YBX1: variants seen among roughly 807,000 people sequenced by gnomAD.
YBX1 encodes the protein Y-box binding protein 1.
A neutral mutation model predicts 41.4 loss-of-function variants in YBX1; 3 were observed. The ratio of observed to expected loss-of-function variants is 0.07; its 90% CI spans 0.03 to 0.19. The LOEUF (loss-of-function observed/expected upper bound fraction) is 0.19. Ranked by LOEUF, YBX1 falls within the 10% of genes least tolerant of loss-of-function variation. The pLI is 1.00. For missense variants in YBX1, 274 were observed against 462.8 expected (o/e 0.59, Z 3.74); for synonymous variants, 133 against 165.8 (o/e 0.80, Z 1.52).
chr1:42,687,400 C>G (rs1349089783), intron 2 of YBX1, among the ~76,000 whole-genome samples: 1 of 152,126 alleles, frequency 6.6e-6, no homozygotes, highest in East Asian at 1.9e-4. Context: ...TCTCCTGCCT[C>G]AGCCTCCCGA....
chr1:42,686,172 T>C (rs767889551), intron 2 of YBX1, among the ~76,000 whole-genome samples: 8 of 152,260 alleles, frequency 5.3e-5, no homozygotes, highest in Non-Finnish European at 1.2e-4. Context: ...AGAATAGGAA[T>C]ATTTTTCTGT....
At chr1:42,693,553 T>C (rs773303198) in intron 3 of YBX1, 30 bp downstream of exon 3, 2 of 1,610,640 alleles carry the variant, frequency 1.2e-6, no homozygotes, top group South Asian at 2.2e-5. Flanking sequence ...TTTGCACTTC[T>C]GATTCAAGGA....
intron 2 of YBX1, among the ~76,000 whole-genome samples, chr1:42,685,422 A>AT (rs1650170532): frequency 6.6e-6 from 1 of 152,196 alleles, no homozygotes. Flanking sequence ...GGTTTTAATG[A>AT]TTCTGGGACT....
At chr1:42,697,675 T>C (rs1436375408) in intron 6 of YBX1, among the ~76,000 whole-genome samples, 5 of 151,836 alleles carry the variant, frequency 3.3e-5, no homozygotes, top group Non-Finnish European at 7.4e-5. Flanking sequence ...ATGTACCCCC[T>C]TTTTTTTGGA....
chr1:42,697,748 G>C (rs1054189458), intron 6 of YBX1, among the ~76,000 whole-genome samples: 2 of 151,892 alleles, frequency 1.3e-5, no homozygotes, highest in Non-Finnish European at 2.9e-5. Context: ...TACATTCTGC[G>C]GGGGGAAATC....
Position 42,682,525 on chromosome 1 carries a change from C to T in YBX1, c.-41C>T. 6.3e-6 allele frequency: 9 copies of T among 1,428,612 alleles called. No homozygotes were observed. The South Asian group carries it at 6.9e-5, about 11-fold the overall frequency. The allele number at this position is 1,428,612 out of a possible 1,614,324, so 88.5% of individuals were successfully genotyped here. A position where few individuals can be genotyped will look rare whatever the true frequency, so the allele number is the denominator to read the frequency against. On this transcript the variant is annotated 5_prime_UTR_variant, in exon 1 of 8. Coordinates refer to ENST00000321358, the MANE Select transcript of YBX1 (RefSeq NM_004559.5). Reference sequence around the variant, plus strand: ...GTTACCATCACACCCCGGGAGGAGCCGCAGCTGCCGCAGCCGGCCCCAGTC... The same window carrying T: ...GTTACCATCACACCCCGGGAGGAGCTGCAGCTGCCGCAGCCGGCCCCAGTC...
intron 2 of YBX1, among the ~76,000 whole-genome samples, chr1:42,692,387 C>A (rs1006272146): frequency 2.6e-5 from 4 of 152,164 alleles, no homozygotes; most frequent in Admixed American, 6.5e-5. Flanking sequence ...TCCTAATCAT[C>A]TAGCTTGAAA....
rs750706480 is a variant in YBX1 at position 42,683,475 on chromosome 1, C to T, written c.230+9C>T. On this transcript the variant is annotated intron_variant, in intron 2 of 7. Coordinates refer to ENST00000321358, the MANE Select transcript of YBX1 (RefSeq NM_004559.5). Reference sequence around the variant, plus strand: ...TATGGTTTCATCAACAGGTGAGCTGCCGGGCTCTGAAGCCTCCATCCCACC... The same window carrying T: ...TATGGTTTCATCAACAGGTGAGCTGTCGGGCTCTGAAGCCTCCATCCCACC... 1.9e-6 allele frequency: 3 copies of T among 1,612,804 alleles called. No individual in the cohort carries two copies. The highest frequency in any genetic ancestry group is 2.7e-5 in the African/African-American group (2 of 74,892).
In YBX1 at chr1:42,700,876, G is replaced by A; in HGVS notation, c.836G>A (p.Arg279His). 7 of 1,613,878 alleles carry A rather than the reference G, an allele frequency of 4.3e-6. No individual in the cohort carries two copies. The highest frequency in any genetic ancestry group is 5.9e-6 in the Non-Finnish European group (7 of 1,179,924). Residue 279 changes from arginine to histidine, a missense_variant, in exon 7 of 8, where the codon CGT becomes CAT. Physicochemically the swap from Arg to His is conservative, Grantham distance 29. Around this residue, in one of 3 missense-constraint regions of YBX1, gnomAD observed 187 missense variants for 306.3 expected, o/e 0.61. Transcript: ENST00000321358. ...DETQGQQPPQ[R>H]RYRRNFNYRR... ...ACCCAAGGTCAGCAGCCACCTCAAC[G>A]TCGGTACCGCCGCAACTTCAATTAC...
chr1:42,690,575 A>C (rs1316321489), intron 2 of YBX1, among the ~76,000 whole-genome samples: 6 of 152,170 alleles, frequency 3.9e-5, no homozygotes, highest in Non-Finnish European at 8.8e-5. Flanking sequence ...AATTGTACAT[A>C]TGTATGTGTC....
intron 5 of YBX1, 67 bp downstream of exon 5, chr1:42,697,011 T>C: frequency 6.7e-7 from 1 of 1,485,904 alleles, no homozygotes; most frequent in Non-Finnish European, 8.9e-7. Flanking sequence ...CTGTTAATTA[T>C]ATGGAAAGCA....
At chr1:42,697,120 G>T (rs1217071399) in intron 5 of YBX1, 60 bp from the exon 6 acceptor site, 4 of 1,563,648 alleles carry the variant, frequency 2.6e-6, no homozygotes, top group East Asian at 2.2e-5. Flanking sequence ...GGATTTATCT[G>T]GTTGGGTTTT....
chr1:42,685,711 G>C (rs991756662), intron 2 of YBX1, among the ~76,000 whole-genome samples: 1 of 152,076 alleles, frequency 6.6e-6, no homozygotes, highest in African/African-American at 2.4e-5. Context: ...TTTTGGATGC[G>C]CTGGATTATA....
chr1:42,682,424 G>C lies in YBX1; in HGVS notation c.-142G>C. On this transcript the variant is annotated 5_prime_UTR_variant, in exon 1 of 8. Transcript: ENST00000321358. ...TTATCCCGCCTGTCCCGCCATTCTC[G>C]CTAGTTCGATCGGTAGCGGGAGCGG... 1.8e-6 allele frequency: 2 copies of C among 1,085,798 alleles called. No homozygotes were observed. Among genetic ancestry groups the C allele is most frequent in the African/African-American group, 1.7e-5 (1 of 60,070 alleles). 67.3% of individuals were successfully genotyped at this position (1,085,798 alleles called of 1,614,324 possible).
Position 42,682,750 on chromosome 1 carries a change from C to G in YBX1, c.166+19C>G. On this transcript the variant is annotated intron_variant, in intron 1 of 7. Coordinates refer to ENST00000321358, the MANE Select transcript of YBX1 (RefSeq NM_004559.5). ...GTCATCGGTGAGGACCGGACAGGGA[C>G]GGGGGTGGGGCCCTCGGGCAGCCCA... 8.3e-7 allele frequency: 1 copy of G among 1,201,238 alleles called. No individual in the cohort carries two copies. The highest frequency in any genetic ancestry group is 1.0e-6 in the Non-Finnish European group (1 of 968,720). The allele number at this position is 1,201,238 out of a possible 1,614,324, so 74.4% of individuals were successfully genotyped here.
intron 2 of YBX1, among the ~76,000 whole-genome samples, chr1:42,687,278 C>G (rs1203500541): frequency 6.6e-6 from 1 of 151,820 alleles, no homozygotes; most frequent in African/African-American, 2.4e-5. Flanking sequence ...CTGAATATTG[C>G]CTTTTTAAAG....
At position 42,703,746 on chromosome 1, in the gene YBX1, A is replaced by G. The variant is rs1300710691; in HGVS notation, c.*1797A>G. Among the ~76,000 whole-genome samples the G allele has an allele frequency of 6.6e-6, 1 of 152,186 alleles. No homozygotes were observed. The highest frequency in any genetic ancestry group is 1.5e-5 in the Non-Finnish European group (1 of 68,032). ...TGGCATCACAGAGTTGAAAAATCAT[A>G]AATGAAACCATTGTAAGTTGACTGC... On this transcript the variant is annotated 3_prime_UTR_variant, in exon 8 of 8. Transcript: ENST00000321358.
chr1:42,684,838 CTGTCTTACTCTGATTATCGTTACTAGT>C (rs1650153984), intron 2 of YBX1, among the ~76,000 whole-genome samples: 1 of 152,162 alleles, frequency 6.6e-6, no homozygotes, highest in African/African-American at 2.4e-5. Flanking sequence ...GTTTGTATTT[CTGTCTTACTCTGATTATCGTTACTAGT>C]CTAACCCTTA....
At chr1:42,688,905 C>T (rs1294836472) in intron 2 of YBX1, among the ~76,000 whole-genome samples, 1 of 152,140 alleles carries the variant, frequency 6.6e-6, no homozygotes, top group Non-Finnish European at 1.5e-5. Context: ...TGCAAGAATA[C>T]AGTATATAAT....
Sources: gnomAD v4.1 joint callset for allele counts (sites outside exome capture counted in the v4.1 genomes callset) on GRCh38, gnomAD v4.1.1 for gene constraint, gnomAD v4.1.1 regional missense constraint, MANE v1.5 for transcripts, NCBI Gene and HGNC (gene_info 2026-07-23, HGNC 2026-07-21) for gene names.